Variants in CXADR observed in about 807,000 individuals in gnomAD.
The protein encoded by CXADR is CXADR cell adhesion molecule, also known as coxsackievirus and adenovirus receptor.
CXADR carries 20 observed loss-of-function variants against 40.3 expected under a neutral mutation model. The observed-to-expected ratio is 0.50, with a 90% confidence interval of 0.35 to 0.72. CXADR has a LOEUF of 0.72. Among genes scored for constraint, CXADR ranks in the 30% least tolerant of loss-of-function variants. The probability of loss-of-function intolerance (pLI) is 0.01; values close to 1 mark genes in which losing one functional copy is unlikely to be tolerated. For missense variants in CXADR, 332 were observed against 449.1 expected (o/e 0.74, Z 2.36); for synonymous variants, 150 against 161.3 (o/e 0.93, Z 0.53).
chr21:17,535,718 T>C (rs1441426026), intron 1 of CXADR, among the ~76,000 whole-genome samples: 1 of 152,128 alleles, frequency 6.6e-6, no homozygotes, highest in African/African-American at 2.4e-5. Context: ...TTTAAGTTCC[T>C]CTTATTGGCT....
At chr21:17,516,220 G>A (rs1163625903) in intron 1 of CXADR, among the ~76,000 whole-genome samples, 1 of 152,146 alleles carries the variant, frequency 6.6e-6, no homozygotes, top group Non-Finnish European at 1.5e-5. Context: ...GAGGCACAGA[G>A]TCGTTATATA....
chr21:17,632,752 C>T, the CXADR span, among the ~76,000 whole-genome samples: 9 of 152,098 alleles, frequency 5.9e-5, no homozygotes, highest in Non-Finnish European at 1.0e-4. Flanking sequence ...GCCTGTAGTC[C>T]CAGCTACTCA....
intron 1 of CXADR, chr21:17,527,332 G>T (rs1417851146): frequency 1.3e-5 from 2 of 152,142 alleles, no homozygotes; most frequent in Non-Finnish European, 2.9e-5. Context: ...AGTGGGGAAG[G>T]GTTGAGTCAC....
chr21:17,533,583 ATGCATAATATTAGTACC>A (rs1341404380), intron 1 of CXADR, among the ~76,000 whole-genome samples: 5 of 152,182 alleles, frequency 3.3e-5, no homozygotes, highest in Non-Finnish European at 5.9e-5. Flanking sequence ...CAAAACACGG[ATGCATAATATTAGTACC>A]TTTTTCTTGG....
At chr21:17,571,614 G>GA (rs992499107), downstream of CXADR, among the ~76,000 whole-genome samples, 2 of 152,084 alleles carry the variant, frequency 1.3e-5, no homozygotes, top group African/African-American at 4.8e-5. Flanking sequence ...TACCAACAGT[G>GA]AAAAAATCAA....
rs1306915131 is a variant in CXADR at position 17,567,859 on chromosome 21, TTCC to T, written c.*2169_*2171del. 4 of 923,770 alleles carry T rather than the reference TTCC, an allele frequency of 4.3e-6. No individual in the cohort carries two copies. Among genetic ancestry groups the T allele is most frequent in the African/African-American group, 1.8e-5 (1 of 55,366 alleles). The allele number at this position is 923,770 out of a possible 1,614,324, so 57.2% of individuals were successfully genotyped here. ...AAAGTGGACACGTATAAGACTTTCC[TTCC>T]TTTTTTTTTTTAATAACATATGAGG... On this transcript the variant is annotated 3_prime_UTR_variant, in exon 7 of 7. Transcript: ENST00000284878.
At chr21:17,596,308 A>AT (rs1025576487), downstream of CXADR, among the ~76,000 whole-genome samples, 1 of 151,928 alleles carries the variant, frequency 6.6e-6, no homozygotes, top group Admixed American at 6.6e-5. Context: ...CAGTTTGTCA[A>AT]TTTTTTTCCC....
At chr21:17,572,124 C>T (rs191696096), downstream of CXADR, among the ~76,000 whole-genome samples, 84 of 151,652 alleles carry the variant, frequency 5.5e-4, no homozygotes, top group Admixed American at 3.3e-4. Context: ...CACTTTGGGA[C>T]GCCAAGGCAG....
At chr21:17,603,312 G>T in the CXADR span, among the ~76,000 whole-genome samples, 1 of 152,120 alleles carries the variant, frequency 6.6e-6, no homozygotes, top group Non-Finnish European at 1.5e-5. Context: ...TATTTTCTCA[G>T]ACCTAAATTT....
the CXADR span, chr21:17,598,746 T>C: frequency 3.7e-5 from 59 of 1,614,184 alleles, no homozygotes; most frequent in Non-Finnish European, 4.3e-5. Flanking sequence ...CCCTGGTAAC[T>C]TTCCTGGAGA....
intron 3 of CXADR, among the ~76,000 whole-genome samples, chr21:17,553,895 G>T (rs1207093683): frequency 6.6e-6 from 1 of 152,124 alleles, no homozygotes; most frequent in Non-Finnish European, 1.5e-5. Flanking sequence ...GGGATTACAG[G>T]TGTGAGCCAC....
intron 1 of CXADR, among the ~76,000 whole-genome samples, chr21:17,533,641 G>A (rs912990039): frequency 3.3e-5 from 5 of 152,080 alleles, no homozygotes; most frequent in South Asian, 2.1e-4. Flanking sequence ...GAGTTAATAC[G>A]TGTAGGGCAT....
chr21:17,609,121 A>C, the CXADR span: 1 of 1,609,602 alleles, frequency 6.2e-7, no homozygotes, highest in Admixed American at 1.7e-5. Flanking sequence ...AAAAGAAGAC[A>C]ACGGCAGCAA....
chr21:17,605,117 G>C, the CXADR span: 11 of 1,125,230 alleles, frequency 9.8e-6, no homozygotes, highest in Non-Finnish European at 1.4e-5. Flanking sequence ...CCCTGGTAGA[G>C]AACCTAGGAG....
intron 2 of CXADR, among the ~76,000 whole-genome samples, chr21:17,551,332 G>A (rs1413124987): frequency 1.3e-5 from 2 of 151,774 alleles, no homozygotes; most frequent in African/African-American, 2.4e-5. Flanking sequence ...CCCGGGAGGT[G>A]GAGGGAGCCG....
chr21:17,534,096 A>ATTTTTTTTTTT (rs1830128723), intron 1 of CXADR, among the ~76,000 whole-genome samples: 1 of 91,926 alleles, frequency 1.1e-5, no homozygotes, highest in African/African-American at 5.1e-5. Flanking sequence ...ATATATATAT[A>ATTTTTTTTTTT]TATATTTTTT....
At chr21:17,524,304 T>C (rs370510106) in intron 1 of CXADR, among the ~76,000 whole-genome samples, 3 of 151,960 alleles carry the variant, frequency 2.0e-5, no homozygotes, top group African/African-American at 7.2e-5. Flanking sequence ...CTCATGCCTG[T>C]AATTCCAGCA....
At chr21:17,599,029 A>T in the CXADR span, 1 of 447,612 alleles carries the variant, frequency 2.2e-6, no homozygotes, top group East Asian at 3.4e-5. Context: ...CTATTTAAGT[A>T]TTCATAAACA....
chr21:17,611,032 CAGCCAGCT>C, the CXADR span, among the ~76,000 whole-genome samples: 1,940 of 152,294 alleles, frequency 0.013, 46 homozygotes, highest in African/African-American at 0.045. Context: ...TCACCTTCTA[CAGCCAGCT>C]AGCAGGCACC....
Sources: allele counts gnomAD v4.1 joint callset (sites outside exome capture counted in the v4.1 genomes callset), GRCh38; gene constraint gnomAD v4.1.1; transcripts MANE v1.5; gene names NCBI Gene and HGNC (gene_info 2026-07-23, HGNC 2026-07-21).